FANCC: variants seen among roughly 807,000 people sequenced by gnomAD.
FANCC encodes the protein Fanconi anemia group C protein.
FANCC carries 55 observed loss-of-function variants against 71.3 expected under a neutral mutation model. The ratio of observed to expected loss-of-function variants is 0.77; its 90% CI spans 0.62 to 0.97. The LOEUF (loss-of-function observed/expected upper bound fraction) is 0.97, where lower values mean the gene tolerates loss of function less well. Ranked by LOEUF, FANCC falls within the 50% of genes least tolerant of loss-of-function variation. The pLI, the probability that FANCC is intolerant of heterozygous loss-of-function variation, is 0.00. For missense variants in FANCC, 678 were observed against 670.9 expected, an observed-to-expected ratio of 1.01 and a Z score of -0.12; for synonymous variants, 275 against 244.9, an observed-to-expected ratio of 1.12 and a Z score of -1.15.
At chr9:95,247,623 C>G (rs1182584137) in intron 2 of FANCC, 107 bp from the exon 3 acceptor site, 2 of 762,958 alleles carry the variant, frequency 2.6e-6, no homozygotes, top group African/African-American at 3.4e-5. Context: ...TTTAGTATAC[C>G]ATTTTTAAAA....
At chr9:95,285,521 A>G (rs1180675593) in intron 1 of FANCC, among the ~76,000 whole-genome samples, 1 of 152,210 alleles carries the variant, frequency 6.6e-6, no homozygotes, top group Non-Finnish European at 1.5e-5. Context: ...ATAACACTAC[A>G]AGTCAAAAAA....
intron 4 of FANCC, among the ~76,000 whole-genome samples, chr9:95,203,097 A>G (rs1171591535): frequency 6.6e-6 from 1 of 152,172 alleles, no homozygotes; most frequent in Admixed American, 6.5e-5. Context: ...ATTTATTTAT[A>G]AAAAGACACA....
chr9:95,107,715 G>A (rs1588032256), intron 13 of FANCC, among the ~76,000 whole-genome samples: 1 of 152,242 alleles, frequency 6.6e-6, no homozygotes, highest in East Asian at 1.9e-4. Flanking sequence ...GCTATATTGG[G>A]GGTCAGGGCG....
At chr9:95,141,984 G>GTT (rs1828776487) in intron 7 of FANCC, among the ~76,000 whole-genome samples, 30 of 97,754 alleles carry the variant, frequency 3.1e-4, no homozygotes, top group Middle Eastern at 5.4e-3. Flanking sequence ...CAGTTTGTGG[G>GTT]GTTTTTTTTT....
chr9:95,313,496 TA>T (rs1412181890), intron 1 of FANCC, among the ~76,000 whole-genome samples: 9 of 152,108 alleles, frequency 5.9e-5, no homozygotes, highest in Non-Finnish European at 8.8e-5. Flanking sequence ...AATTTCCCTA[TA>T]AAGAAATATC....
chr9:95,149,547 C>T (rs556838750), intron 7 of FANCC, among the ~76,000 whole-genome samples: 4 of 151,700 alleles, frequency 2.6e-5, no homozygotes, highest in South Asian at 4.2e-4. Flanking sequence ...GGCACAATCT[C>T]GGCTCACTGC....
At chr9:95,239,140 C>T (rs1301857431) in intron 4 of FANCC, among the ~76,000 whole-genome samples, 2 of 152,154 alleles carry the variant, frequency 1.3e-5, no homozygotes, top group African/African-American at 4.8e-5. Flanking sequence ...TCAATTAACA[C>T]GTCACCTGCC....
At chr9:95,210,399 A>G (rs1828418105) in intron 4 of FANCC, among the ~76,000 whole-genome samples, 1 of 149,624 alleles carries the variant, frequency 6.7e-6, no homozygotes, top group African/African-American at 2.5e-5. Flanking sequence ...TAAAATGGTA[A>G]AAAAAAAATT....
intron 2 of FANCC, among the ~76,000 whole-genome samples, chr9:95,248,030 A>G (rs1459770174): frequency 6.6e-6 from 1 of 152,246 alleles, no homozygotes; most frequent in Non-Finnish European, 1.5e-5. Context: ...ATAAATGTAT[A>G]TATCTGTTTA....
chr9:95,231,644 C>T (rs1774310693), intron 4 of FANCC, among the ~76,000 whole-genome samples: 1 of 152,176 alleles, frequency 6.6e-6, no homozygotes, highest in Non-Finnish European at 1.5e-5. Flanking sequence ...CTTAGCTGAA[C>T]TAGGGAAAAG....
At chr9:95,156,032 A>T (rs1232073650) in intron 6 of FANCC, among the ~76,000 whole-genome samples, 1 of 152,026 alleles carries the variant, frequency 6.6e-6, no homozygotes, top group African/African-American at 2.4e-5. Context: ...AGGCTGAAAC[A>T]ACTTTTATAG....
intron 4 of FANCC, among the ~76,000 whole-genome samples, chr9:95,213,144 T>A (rs1828614660): frequency 6.6e-6 from 1 of 152,210 alleles, no homozygotes; most frequent in African/African-American, 2.4e-5. Flanking sequence ...AATATTTTTA[T>A]AATTAATTTC....
At chr9:95,155,385 T>C (rs1387027812) in intron 6 of FANCC, among the ~76,000 whole-genome samples, 1 of 137,234 alleles carries the variant, frequency 7.3e-6, no homozygotes, top group East Asian at 2.2e-4. Flanking sequence ...AAAAAGAAAA[T>C]ATTCGTAATA....
intron 10 of FANCC, among the ~76,000 whole-genome samples, chr9:95,122,891 C>T (rs1825286812): frequency 6.6e-6 from 1 of 152,226 alleles, no homozygotes; most frequent in Admixed American, 6.5e-5. Flanking sequence ...TGAGGGCCAG[C>T]TGTGCCTTCC....
At chr9:95,165,126 A>C (rs1830989693) in intron 6 of FANCC, among the ~76,000 whole-genome samples, 1 of 151,400 alleles carries the variant, frequency 6.6e-6, no homozygotes, top group Non-Finnish European at 1.5e-5. Flanking sequence ...TTTAATTTCT[A>C]TTCTTTATTC....
At chr9:95,190,595 C>T (rs558703385) in intron 4 of FANCC, among the ~76,000 whole-genome samples, 43 of 152,206 alleles carry the variant, frequency 2.8e-4, no homozygotes, top group Non-Finnish European at 4.1e-4. Context: ...TGCTTGCCCA[C>T]TCAGCGGTGC....
chr9:95,220,565 G>A (rs1829182563), intron 4 of FANCC, among the ~76,000 whole-genome samples: 1 of 152,200 alleles, frequency 6.6e-6, no homozygotes, highest in Non-Finnish European at 1.5e-5. Flanking sequence ...CATGTCCTTT[G>A]TAGGGACATG....
At chr9:95,120,416 C>CTT (rs1011870014) in intron 10 of FANCC, among the ~76,000 whole-genome samples, 1 of 138,606 alleles carries the variant, frequency 7.2e-6, no homozygotes. Flanking sequence ...CTTTTAAAAT[C>CTT]TTTTTTTTTT....
chr9:95,125,505 T>G (rs1284024535), intron 9 of FANCC, among the ~76,000 whole-genome samples: 1 of 152,188 alleles, frequency 6.6e-6, no homozygotes, highest in Non-Finnish European at 1.5e-5. Flanking sequence ...ACATCAACAT[T>G]TTGCTTTCAC....
Sources: allele counts gnomAD v4.1 joint callset (sites outside exome capture counted in the v4.1 genomes callset), GRCh38; gene constraint gnomAD v4.1.1; transcripts MANE v1.5; gene names NCBI Gene and HGNC (gene_info 2026-07-23, HGNC 2026-07-21).